Variants in HDAC9 observed in about 807,000 individuals in gnomAD.
The protein encoded by HDAC9 is MEF-2 interacting transcription repressor (MITR) protein.
HDAC9 carries 41 observed loss-of-function variants against 139.4 expected under a neutral mutation model. The ratio of observed to expected loss-of-function variants is 0.29; its 90% CI spans 0.23 to 0.38. The LOEUF (loss-of-function observed/expected upper bound fraction) is 0.38, where lower values mean the gene tolerates loss of function less well. HDAC9 is among the 10% of genes least tolerant of loss of function. HDAC9 has a pLI of 1.00. For synonymous variants in HDAC9, 517 were observed against 476.2 expected, an observed-to-expected ratio of 1.09 and a Z score of -1.12; for missense variants, 1,147 against 1,297.0, an observed-to-expected ratio of 0.88 and a Z score of 1.78.
At chr7:18,552,223 G>A (rs1423972650) in intron 2 of HDAC9, among the ~76,000 whole-genome samples, 1 of 152,116 alleles carries the variant, frequency 6.6e-6, no homozygotes, top group Non-Finnish European at 1.5e-5. Context: ...TTTATAGGTG[G>A]AAATATAAAT....
At chr7:18,655,730 T>G (rs1164147710) in intron 11 of HDAC9, among the ~76,000 whole-genome samples, 1 of 152,200 alleles carries the variant, frequency 6.6e-6, no homozygotes, top group Non-Finnish European at 1.5e-5. Context: ...GGAAGGGACC[T>G]AGACCTTTCC....
chr7:18,429,283 T>G (rs138665520), intron 1 of HDAC9: 1 of 152,310 alleles, frequency 6.6e-6, no homozygotes, highest in African/African-American at 2.4e-5. Context: ...ATGAAAAAAT[T>G]AAATAATAAG....
At chr7:18,160,058 G>A (rs1787516668) in intron 1 of HDAC9, among the ~76,000 whole-genome samples, 1 of 152,168 alleles carries the variant, frequency 6.6e-6, no homozygotes, top group African/African-American at 2.4e-5. Flanking sequence ...ATAAGTGGGA[G>A]AAGTTAACTG....
At chr7:18,505,463 C>T (rs1360915937) in intron 2 of HDAC9, among the ~76,000 whole-genome samples, 1 of 152,154 alleles carries the variant, frequency 6.6e-6, no homozygotes, top group Non-Finnish European at 1.5e-5. Context: ...AAAGATCTAG[C>T]TAACATAATT....
intron 6 of HDAC9, among the ~76,000 whole-genome samples, chr7:18,613,101 TATAA>T: frequency 6.8e-6 from 1 of 148,022 alleles, no homozygotes; most frequent in Non-Finnish European, 1.5e-5. Context: ...CTCTTTTATA[TATAA>T]ATATATATAA....
intron 12 of HDAC9, among the ~76,000 whole-genome samples, chr7:18,709,943 T>G (rs927540613): frequency 1.3e-5 from 2 of 152,182 alleles, no homozygotes; most frequent in African/African-American, 4.8e-5. Context: ...GTGTATTAGT[T>G]TGTTCTCATG....
At chr7:18,385,659 A>C (rs1410187129) in intron 1 of HDAC9, among the ~76,000 whole-genome samples, 2 of 152,196 alleles carry the variant, frequency 1.3e-5, no homozygotes, top group East Asian at 1.9e-4. Flanking sequence ...TTCTGGAACT[A>C]TTCGCTAATA....
chr7:18,730,086 C>T (rs746167418), intron 13 of HDAC9, among the ~76,000 whole-genome samples: 5 of 152,144 alleles, frequency 3.3e-5, no homozygotes, highest in Non-Finnish European at 5.9e-5. Context: ...ACAAGAAAAA[C>T]GCACAATATT....
chr7:18,749,995 C>T (rs753325877), intron 14 of HDAC9, among the ~76,000 whole-genome samples: 3 of 152,138 alleles, frequency 2.0e-5, no homozygotes, highest in Non-Finnish European at 4.4e-5. Flanking sequence ...TAAAATTTCA[C>T]AAGACAAATA....
chr7:18,856,541 G>T (rs1244142837), intron 21 of HDAC9, among the ~76,000 whole-genome samples: 1 of 151,948 alleles, frequency 6.6e-6, no homozygotes, highest in Non-Finnish European at 1.5e-5. Flanking sequence ...CACTGAACTT[G>T]GAGTGGGCAA....
chr7:18,243,486 C>T (rs1224828492), intron 2 of HDAC9, among the ~76,000 whole-genome samples: 1 of 152,204 alleles, frequency 6.6e-6, no homozygotes, highest in Non-Finnish European at 1.5e-5. Context: ...TGACTTGTAG[C>T]CTCTGGACAA....
In HDAC9 at chr7:18,870,035, A is replaced by C. The variant is rs184407785; in HGVS notation, c.2685-4443A>C. Among the ~76,000 whole-genome samples, 11 of 152,178 alleles carry C rather than the reference A, an allele frequency of 7.2e-5. No individual in the cohort carries two copies. The East Asian group carries it at 2.1e-3, about 29-fold the overall frequency. ...ATACTTGTTAGCATTTTATTTTGAA[A>C]TAATATTGAAATTACAGAAAAAGCT... On this transcript the variant is annotated intron_variant, in intron 21 of 25. Coordinates refer to ENST00000686413, the MANE Select transcript of HDAC9 (RefSeq NM_178425.4).
intron 1 of HDAC9, among the ~76,000 whole-genome samples, chr7:18,439,907 A>G (rs1167279703): frequency 6.6e-6 from 1 of 152,146 alleles, no homozygotes; most frequent in Admixed American, 6.5e-5. Flanking sequence ...CAAATCTTCT[A>G]TTTTTTGAAC....
At chr7:18,490,233 A>G (rs906558022) in intron 1 of HDAC9, among the ~76,000 whole-genome samples, 3 of 152,048 alleles carry the variant, frequency 2.0e-5, no homozygotes, top group Admixed American at 6.6e-5. Flanking sequence ...GGCTGATTAA[A>G]ATACAGATTC....
intron 1 of HDAC9, among the ~76,000 whole-genome samples, chr7:18,296,934 T>C (rs1304435389): frequency 6.6e-6 from 1 of 152,194 alleles, no homozygotes; most frequent in Non-Finnish European, 1.5e-5. Context: ...AGACAGACTT[T>C]GTATGCGGTG....
intron 21 of HDAC9, among the ~76,000 whole-genome samples, chr7:18,851,184 CG>C (rs1797260296): frequency 6.6e-6 from 1 of 152,136 alleles, no homozygotes; most frequent in African/African-American, 2.4e-5. Flanking sequence ...AGTATCTATT[CG>C]CTCTACTTTC....
At chr7:18,898,205 C>T (rs1156591532) in intron 22 of HDAC9, among the ~76,000 whole-genome samples, 2 of 151,582 alleles carry the variant, frequency 1.3e-5, no homozygotes, top group Non-Finnish European at 3.0e-5. Flanking sequence ...CATTCATAGT[C>T]TATTAAGACA....
chr7:18,977,117 GA>G (rs1396473509), intron 25 of HDAC9, among the ~76,000 whole-genome samples: 1 of 152,158 alleles, frequency 6.6e-6, no homozygotes, highest in Non-Finnish European at 1.5e-5. Context: ...CAATAAGGGG[GA>G]AAAGTTGTAT....
intron 12 of HDAC9, among the ~76,000 whole-genome samples, chr7:18,707,448 C>CAA (rs1200510737): frequency 6.6e-6 from 1 of 151,816 alleles, no homozygotes; most frequent in African/African-American, 2.4e-5. Flanking sequence ...GAAAACAGTC[C>CAA]AACAGTCTAA....
Sources: gnomAD v4.1 joint callset for allele counts (sites outside exome capture counted in the v4.1 genomes callset) on GRCh38, gnomAD v4.1.1 for gene constraint, MANE v1.5 for transcripts, NCBI Gene and HGNC (gene_info 2026-07-23, HGNC 2026-07-21) for gene names.